The following PXDNL variants were observed in gnomAD, a reference collection of about 807,000 sequenced individuals.
PXDNL encodes probable oxidoreductase PXDNL.
A neutral mutation model predicts 150.8 loss-of-function variants in PXDNL; 145 were observed. The observed-to-expected ratio is 0.96, with a 90% CI of 0.84 to 1.10. The LOEUF is 1.10. PXDNL is among the 50% of genes least tolerant of loss of function. PXDNL has a pLI of 0.00. For synonymous variants in PXDNL, 757 were observed against 725.7 expected, an observed-to-expected ratio of 1.04 and a Z score of -0.69; for missense variants, 2,087 against 1,873.9, an observed-to-expected ratio of 1.11 and a Z score of -2.10.
At chr8:51,595,725 T>C (rs912022928) in intron 2 of PXDNL, among the ~76,000 whole-genome samples, 4 of 152,078 alleles carry the variant, frequency 2.6e-5, no homozygotes, top group African/African-American at 9.7e-5. Flanking sequence ...AAGAGATTCA[T>C]GGCAAAAGTC....
At chr8:51,725,524 G>C (rs904232009) in intron 1 of PXDNL, among the ~76,000 whole-genome samples, 1 of 152,164 alleles carries the variant, frequency 6.6e-6, no homozygotes, top group Non-Finnish European at 1.5e-5. Flanking sequence ...TCTATGATAA[G>C]AACACATTCA....
At chr8:51,592,570 A>C in intron 3 of PXDNL, 57 bp downstream of exon 3, 1 of 1,171,460 alleles carries the variant, frequency 8.5e-7, no homozygotes, top group South Asian at 1.4e-5. Context: ...ACACACAAAA[A>C]AGGCAAAAAT....
intron 3 of PXDNL, among the ~76,000 whole-genome samples, chr8:51,562,759 G>GAT (rs968235507): frequency 1.1e-4 from 16 of 151,980 alleles, no homozygotes; most frequent in African/African-American, 3.6e-4. Context: ...AGACATCACA[G>GAT]ATAGGTTTCT....
At chr8:51,660,611 TC>T (rs1815251074) in intron 1 of PXDNL, among the ~76,000 whole-genome samples, 1 of 152,008 alleles carries the variant, frequency 6.6e-6, no homozygotes, top group African/African-American at 2.4e-5. Context: ...GAGAAAAAGA[TC>T]AACCAGATCT....
chr8:51,757,365 G>T (rs2037113276), intron 1 of PXDNL, among the ~76,000 whole-genome samples: 2 of 152,300 alleles, frequency 1.3e-5, no homozygotes, highest in East Asian at 3.9e-4. Context: ...AAGACAGCAG[G>T]CTCCGCAGTG....
chr8:51,486,366 GAT>G (rs1563433075), intron 5 of PXDNL, among the ~76,000 whole-genome samples: 2 of 151,940 alleles, frequency 1.3e-5, no homozygotes, highest in South Asian at 2.1e-4. Context: ...TATCAAACAT[GAT>G]ATATGATTCC....
At chr8:51,344,946 C>A (rs1442368446) in intron 20 of PXDNL, among the ~76,000 whole-genome samples, 1 of 152,182 alleles carries the variant, frequency 6.6e-6, no homozygotes, top group East Asian at 1.9e-4. Flanking sequence ...TCCAACAACA[C>A]TATCTCCTCT....
At chr8:51,324,782 C>T (rs546967378) in intron 21 of PXDNL, among the ~76,000 whole-genome samples, 1 of 152,188 alleles carries the variant, frequency 6.6e-6, no homozygotes, top group African/African-American at 2.4e-5. Context: ...CATCTTGTTT[C>T]CCTTTGTGTC....
intron 19 of PXDNL, 35 bp downstream of exon 19, chr8:51,371,838 T>G (rs543551040): frequency 6.6e-7 from 1 of 1,522,884 alleles, no homozygotes; most frequent in South Asian, 1.1e-5. Flanking sequence ...AACATGCACA[T>G]CAATCCAGAT....
intron 7 of PXDNL, 67 bp downstream of exon 7, chr8:51,474,905 A>C: frequency 1.5e-6 from 2 of 1,319,150 alleles, no homozygotes; most frequent in South Asian, 1.5e-5. Flanking sequence ...ATTATATAAT[A>C]AACCTTTACA....
At chr8:51,580,065 T>C (rs1813172190) in intron 3 of PXDNL, among the ~76,000 whole-genome samples, 1 of 150,808 alleles carries the variant, frequency 6.6e-6, no homozygotes, top group African/African-American at 2.4e-5. Context: ...TCACAAAAGG[T>C]TATATATTTT....
chr8:51,649,054 C>T (rs1554562371), intron 2 of PXDNL, among the ~76,000 whole-genome samples: 2 of 152,110 alleles, frequency 1.3e-5, no homozygotes, highest in Non-Finnish European at 2.9e-5. Context: ...GAGGATGAAA[C>T]AATTAATATG....
At chr8:51,793,403 G>A (rs1371249231) in intron 1 of PXDNL, among the ~76,000 whole-genome samples, 1 of 152,130 alleles carries the variant, frequency 6.6e-6, no homozygotes, top group Non-Finnish European at 1.5e-5. Flanking sequence ...AAAAATGCTG[G>A]TAATTCAAAA....
intron 2 of PXDNL, among the ~76,000 whole-genome samples, chr8:51,653,405 A>C (rs1815080292): frequency 6.6e-6 from 1 of 152,116 alleles, no homozygotes; most frequent in Non-Finnish European, 1.5e-5. Context: ...GCGACAGAGC[A>C]AGGCTCTGTC....
At chr8:51,589,293 G>T (rs7816231) in intron 3 of PXDNL, among the ~76,000 whole-genome samples, 1 of 152,054 alleles carries the variant, frequency 6.6e-6, no homozygotes, top group Non-Finnish European at 1.5e-5. Flanking sequence ...TGGATCTGTT[G>T]TTCTAACAGA....
At chr8:51,357,328 C>T (rs1806540563) in intron 19 of PXDNL, among the ~76,000 whole-genome samples, 1 of 152,180 alleles carries the variant, frequency 6.6e-6, no homozygotes. Context: ...TCCTGGACTG[C>T]CTCGCCTCTG....
intron 5 of PXDNL, among the ~76,000 whole-genome samples, chr8:51,490,528 T>G (rs1201956155): frequency 6.6e-6 from 1 of 151,526 alleles, no homozygotes; most frequent in Non-Finnish European, 1.5e-5. Context: ...CTATCAAAAT[T>G]AATGCCACAA....
chr8:51,538,069 A>G (rs1459448212), intron 4 of PXDNL, among the ~76,000 whole-genome samples: 1 of 152,170 alleles, frequency 6.6e-6, no homozygotes, highest in Non-Finnish European at 1.5e-5. Flanking sequence ...ATTCCTAGAG[A>G]GGTACTTACA....
At chr8:51,524,491 T>A (rs1213571097) in intron 4 of PXDNL, among the ~76,000 whole-genome samples, 1 of 152,216 alleles carries the variant, frequency 6.6e-6, no homozygotes, top group Non-Finnish European at 1.5e-5. Context: ...TCTCTTTTTC[T>A]AAGCTTTGTG....
Sources: gnomAD v4.1 joint callset for allele counts (sites outside exome capture counted in the v4.1 genomes callset) on GRCh38, gnomAD v4.1.1 for gene constraint, MANE v1.5 for transcripts, NCBI Gene and HGNC (gene_info 2026-07-23, HGNC 2026-07-21) for gene names.